Variants in RNF157 observed in about 807,000 individuals in gnomAD.
RNF157 encodes the protein E3 ubiquitin ligase RNF157.
In RNF157, 55 loss-of-function variants were observed where a neutral mutation model predicts 88.3. The observed-to-expected ratio is 0.62, with a 90% CI of 0.50 to 0.78. The LOEUF (loss-of-function observed/expected upper bound fraction) is 0.78. RNF157 is among the 30% of genes least tolerant of loss of function. The pLI, the probability that RNF157 is intolerant of heterozygous loss-of-function variation, is 0.00. For synonymous variants in RNF157, 334 were observed against 341.2 expected, an observed-to-expected ratio of 0.98 and a Z score of 0.23; for missense variants, 788 against 860.8, an observed-to-expected ratio of 0.92 and a Z score of 1.06.
Position 76,212,353 on chromosome 17 carries a change from T to G in RNF157, c.207+11A>C, listed in dbSNP as rs1324465886. ...AAGCTCCAAGTAGGAGTAAACTGAT[T>G]ACAGCCATACCACAACTGGTCTGTT... is the stretch of plus-strand genomic sequence containing the variant. On this transcript the variant is annotated intron_variant, in intron 2 of 18. Transcript: ENST00000269391. 2 of 1,567,882 alleles carry G rather than the reference T, an allele frequency of 1.3e-6. No homozygotes were observed. The highest frequency in any genetic ancestry group is 1.7e-5 in the Admixed American group (1 of 59,558).
At chr17:76,145,900 G>A (rs1598378647) in intron 18 of RNF157, among the ~76,000 whole-genome samples, 1 of 152,098 alleles carries the variant, frequency 6.6e-6, no homozygotes, top group African/African-American at 2.4e-5. Context: ...TCCAGTCCCC[G>A]TCACCTGCCG....
chr17:76,234,832 T>A (rs1248008093), intron 1 of RNF157, among the ~76,000 whole-genome samples: 5 of 152,250 alleles, frequency 3.3e-5, no homozygotes, highest in African/African-American at 1.2e-4. Context: ...CTATAATCCA[T>A]TTTGAGTTAA....
intron 2 of RNF157, among the ~76,000 whole-genome samples, chr17:76,193,710 C>T (rs1431559855): frequency 2.6e-5 from 4 of 152,176 alleles, no homozygotes; most frequent in East Asian, 1.9e-4. Context: ...AACAAACAAA[C>T]GTGACTTCTG....
At chr17:76,170,123 C>T (rs1168351719) in intron 3 of RNF157, among the ~76,000 whole-genome samples, 2 of 152,170 alleles carry the variant, frequency 1.3e-5, no homozygotes, top group African/African-American at 4.8e-5. Context: ...GTCCAATTTC[C>T]AGAAAACAGT....
chr17:76,225,930 T>C, intron 1 of RNF157: 1 of 1,613,130 alleles, frequency 6.2e-7, no homozygotes, highest in South Asian at 1.1e-5. Context: ...CGGTACCTAG[T>C]GGCTGCTGTC....
At chr17:76,217,166 A>AT (rs2069903042) in intron 1 of RNF157, among the ~76,000 whole-genome samples, 1 of 151,898 alleles carries the variant, frequency 6.6e-6, no homozygotes, top group East Asian at 1.9e-4. Flanking sequence ...ACCTTCATCT[A>AT]TTTTTTGTTT....
At chr17:76,235,636 C>A (rs2070270612) in intron 1 of RNF157, among the ~76,000 whole-genome samples, 3 of 152,146 alleles carry the variant, frequency 2.0e-5, no homozygotes, top group African/African-American at 7.2e-5. Flanking sequence ...ACTGTTCTTG[C>A]AATAGGAAAG....
In RNF157 at chr17:76,225,795, T is replaced by C. The variant is rs61742461; in HGVS notation, c.89-13313A>G. ...CCCCTTGCCTTGCGGACCTCTTCTA[T>C]CAAATCTTTCAGGTACTGGATCTCC... On this transcript the variant is annotated intron_variant, in intron 1 of 18. Coordinates refer to ENST00000269391, the MANE Select transcript of RNF157 (RefSeq NM_052916.3). 3.1e-5 allele frequency: 48 copies of C among 1,566,972 alleles called. No homozygotes were observed. The African/African-American group carries it at 6.1e-4, about 20-fold the overall frequency.
rs149951219 is a variant in RNF157 at position 76,235,602 on chromosome 17, G to T, written c.88+4551C>A. 5.3e-3 allele frequency among the ~76,000 whole-genome samples: 813 copies of T among 152,302 alleles called. 5 individuals carry two copies. Among genetic ancestry groups the T allele is most frequent in the Non-Finnish European group, 9.0e-3 (613 of 68,020 alleles). On this transcript the variant is annotated intron_variant, in intron 1 of 18. Coordinates refer to ENST00000269391, the MANE Select transcript of RNF157 (RefSeq NM_052916.3). ...AAAACTTTTATAGTTATTCGACAAA[G>T]ACTTATTATCCATGCCTTTAAAAAC...
intron 4 of RNF157, 56 bp from the exon 5 acceptor site, chr17:76,167,182 GACA>G: frequency 8.1e-7 from 1 of 1,236,342 alleles, no homozygotes; most frequent in Non-Finnish European, 1.2e-6. Flanking sequence ...AGATGGGTCT[GACA>G]ACTTCCTCTG....
intron 1 of RNF157, among the ~76,000 whole-genome samples, chr17:76,230,298 C>G (rs1425464461): frequency 6.6e-6 from 1 of 152,166 alleles, no homozygotes; most frequent in Non-Finnish European, 1.5e-5. Flanking sequence ...ACATTTAGGA[C>G]TCACTTCAAA....
intron 1 of RNF157, among the ~76,000 whole-genome samples, chr17:76,235,879 T>C (rs2070275121): frequency 6.6e-6 from 1 of 152,118 alleles, no homozygotes; most frequent in Non-Finnish European, 1.5e-5. Flanking sequence ...CATGGTGGTA[T>C]GTGCCTGTAA....
chr17:76,173,532 G>A (rs911658962), intron 3 of RNF157, among the ~76,000 whole-genome samples, 170 bp downstream of exon 3: 10 of 152,082 alleles, frequency 6.6e-5, no homozygotes, highest in Non-Finnish European at 1.5e-4. Flanking sequence ...GGGTGTGGAC[G>A]GCCTGATCTC....
intron 3 of RNF157, among the ~76,000 whole-genome samples, chr17:76,170,348 C>G (rs1314154240): frequency 6.6e-6 from 1 of 152,128 alleles, no homozygotes; most frequent in Non-Finnish European, 1.5e-5. Context: ...CCCACTTCAG[C>G]CTCCCAAGTA....
chr17:76,153,370 G>C (rs2068711576), intron 17 of RNF157: 1 of 152,284 alleles, frequency 6.6e-6, no homozygotes, highest in East Asian at 1.9e-4. Flanking sequence ...TCCTTGGCCA[G>C]GTGGGAGCCG....
chr17:76,189,527 G>C (rs1439624337), intron 2 of RNF157, among the ~76,000 whole-genome samples: 2 of 152,170 alleles, frequency 1.3e-5, no homozygotes, highest in East Asian at 3.8e-4. Flanking sequence ...TGTGAGAGTA[G>C]AAGTTGTATT....
At chr17:76,166,398 C>T in intron 6 of RNF157, 63 bp downstream of exon 6, 2 of 1,368,956 alleles carry the variant, frequency 1.5e-6, no homozygotes, top group Non-Finnish European at 1.0e-6. Context: ...GCCACAGCTG[C>T]TGCCAGGAAT....
rs1391781627 is a variant in RNF157 at position 76,143,682 on chromosome 17, T to C, written c.*1553A>G. 1 of 152,124 alleles carries C rather than the reference T, an allele frequency of 6.6e-6. No individual in the cohort carries two copies. The highest frequency in any genetic ancestry group is 2.4e-5 in the African/African-American group (1 of 41,418). 9.4% of individuals were successfully genotyped at this position (152,124 alleles called of 1,614,324 possible). ...GGCAGTGAGACAGTCACTGCACTCC[T>C]GGCCTCTGCAGCCACACAGAAACGA... is the stretch of plus-strand genomic sequence containing the variant. On this transcript the variant is annotated 3_prime_UTR_variant, in exon 19 of 19. Transcript: ENST00000269391.
chr17:76,156,032 C>T (rs945303501), intron 14 of RNF157, among the ~76,000 whole-genome samples, 178 bp downstream of exon 14: 9 of 152,172 alleles, frequency 5.9e-5, no homozygotes, highest in African/African-American at 1.9e-4. Context: ...TAGCTACAGG[C>T]AAGCCTGCTA....
Sources: allele counts gnomAD v4.1 joint callset (sites outside exome capture counted in the v4.1 genomes callset), GRCh38; gene constraint gnomAD v4.1.1; transcripts MANE v1.5; gene names NCBI Gene and HGNC (gene_info 2026-07-23, HGNC 2026-07-21).